C1orf21: variants seen among roughly 807,000 people sequenced by gnomAD.
The protein encoded by C1orf21 is uncharacterized protein C1orf21.
C1orf21 carries 3 observed loss-of-function variants against 18.7 expected under a neutral mutation model. The ratio of observed to expected loss-of-function variants is 0.16; its 90% CI spans 0.07 to 0.42. The LOEUF (loss-of-function observed/expected upper bound fraction) is 0.42. C1orf21 is among the 10% of genes least tolerant of loss of function. C1orf21 has a pLI of 0.99. For missense variants in C1orf21, 104 were observed against 143.6 expected, an observed-to-expected ratio of 0.72 and a Z score of 1.41; for synonymous variants, 41 against 46.4, an observed-to-expected ratio of 0.88 and a Z score of 0.47.
At chr1:184,544,171 G>A (rs549772254) in intron 3 of C1orf21, among the ~76,000 whole-genome samples, 43 of 152,284 alleles carry the variant, frequency 2.8e-4, no homozygotes, top group African/African-American at 8.7e-4. Context: ...ATACATTTCC[G>A]AGAAAGTAAT....
chr1:184,473,048 T>C (rs1229515336), intron 1 of C1orf21, among the ~76,000 whole-genome samples: 2 of 152,202 alleles, frequency 1.3e-5, no homozygotes, highest in African/African-American at 4.8e-5. Context: ...CACTTCTAAT[T>C]ATATAAGGCA....
At chr1:184,571,583 T>A (rs915712455) in intron 3 of C1orf21, among the ~76,000 whole-genome samples, 5 of 152,216 alleles carry the variant, frequency 3.3e-5, no homozygotes, top group Non-Finnish European at 5.9e-5. Flanking sequence ...ACTTCATCCC[T>A]TTCCATGACT....
chr1:184,411,435 T>G (rs1656351267), intron 1 of C1orf21, among the ~76,000 whole-genome samples: 1 of 145,576 alleles, frequency 6.9e-6, no homozygotes, highest in African/African-American at 2.5e-5. Context: ...TTTTTTTTTT[T>G]TTTTGAGACG....
Position 184,553,964 on chromosome 1 carries a change from A to C in C1orf21, c.190-36775A>C, listed in dbSNP as rs934918119. 2.6e-5 allele frequency among the ~76,000 whole-genome samples: 4 copies of C among 152,348 alleles called. No individual in the cohort carries two copies. In the East Asian group the frequency reaches 7.7e-4, roughly 29 times the overall value. On this transcript the variant is annotated intron_variant, in intron 3 of 5. Transcript: ENST00000235307. ...AGACACTAGGCTTAAGGGAGTTAAGAATAAATCAAAACGTGAACCATTCCA... is the reference window on the plus strand; with the variant it reads ...AGACACTAGGCTTAAGGGAGTTAAGCATAAATCAAAACGTGAACCATTCCA...
intron 1 of C1orf21, among the ~76,000 whole-genome samples, chr1:184,434,527 A>T (rs1404705669): frequency 1.3e-5 from 2 of 152,184 alleles, no homozygotes; most frequent in Non-Finnish European, 2.9e-5. Context: ...AAGCTTATGC[A>T]TGTAAGTGGA....
At chr1:184,555,885 C>T (rs1171810486) in intron 3 of C1orf21, among the ~76,000 whole-genome samples, 1 of 152,188 alleles carries the variant, frequency 6.6e-6, no homozygotes, top group Admixed American at 6.5e-5. Context: ...CGCCCACTGG[C>T]CCTCCAGGCC....
intron 1 of C1orf21, among the ~76,000 whole-genome samples, chr1:184,445,718 C>A (rs1657019923): frequency 6.6e-6 from 1 of 152,012 alleles, no homozygotes; most frequent in Admixed American, 6.6e-5. Flanking sequence ...ATGCATGTGG[C>A]CCTTAGGAGG....
At chr1:184,586,471 G>A (rs2101997177) in intron 3 of C1orf21, among the ~76,000 whole-genome samples, 1 of 151,954 alleles carries the variant, frequency 6.6e-6, no homozygotes, top group African/African-American at 2.4e-5. Context: ...TTTTAGTAGA[G>A]ACGGGGTTTC....
intron 1 of C1orf21, among the ~76,000 whole-genome samples, chr1:184,455,262 C>G (rs1183004309): frequency 1.3e-5 from 2 of 152,150 alleles, no homozygotes; most frequent in Non-Finnish European, 2.9e-5. Context: ...CTGATTCTGC[C>G]ACAAATGTAA....
intron 5 of C1orf21, among the ~76,000 whole-genome samples, chr1:184,599,794 T>C (rs1659563171): frequency 6.6e-6 from 1 of 152,174 alleles, no homozygotes; most frequent in South Asian, 2.1e-4. Flanking sequence ...AAATCCAAAA[T>C]GCTCCAAAAT....
intron 3 of C1orf21, chr1:184,542,636 A>G (rs1448635512): frequency 6.6e-6 from 1 of 152,194 alleles, no homozygotes; most frequent in East Asian, 1.9e-4. Flanking sequence ...TCTCCTTCCT[A>G]CATGGAGAGG....
intron 3 of C1orf21, among the ~76,000 whole-genome samples, chr1:184,536,709 A>G (rs1658562613): frequency 6.6e-6 from 1 of 152,168 alleles, no homozygotes; most frequent in Non-Finnish European, 1.5e-5. Flanking sequence ...CTATTAACCT[A>G]TGAAAAAAAT....
At chr1:184,416,519 T>A (rs529493797) in intron 1 of C1orf21, among the ~76,000 whole-genome samples, 2 of 152,106 alleles carry the variant, frequency 1.3e-5, no homozygotes, top group East Asian at 3.9e-4. Context: ...TTGCTTAAAA[T>A]TAAAAAAAAG....
At chr1:184,602,854 C>A (rs1023436952) in intron 5 of C1orf21, among the ~76,000 whole-genome samples, 1 of 152,146 alleles carries the variant, frequency 6.6e-6, no homozygotes, top group African/African-American at 2.4e-5. Flanking sequence ...AGATGTAAGA[C>A]CCTAGCTGAT....
chr1:184,566,609 C>A, intron 3 of C1orf21: 2 of 376,974 alleles, frequency 5.3e-6, no homozygotes, highest in South Asian at 2.6e-5. Flanking sequence ...CCTGGTGTGC[C>A]ATAAAACCAC....
chr1:184,401,654 A>AGT (rs1405402528), intron 1 of C1orf21, among the ~76,000 whole-genome samples: 1 of 152,030 alleles, frequency 6.6e-6, no homozygotes, highest in Non-Finnish European at 1.5e-5. Flanking sequence ...CAGTATTATC[A>AGT]GTGTTTCTTG....
chr1:184,444,546 T>G (rs1219060292), intron 1 of C1orf21, among the ~76,000 whole-genome samples: 1 of 152,122 alleles, frequency 6.6e-6, no homozygotes, highest in African/African-American at 2.4e-5. Context: ...ATTAAACCTC[T>G]TTTTCTTCCC....
chr1:184,546,573 A>C (rs1050735213), intron 3 of C1orf21, among the ~76,000 whole-genome samples: 1 of 152,232 alleles, frequency 6.6e-6, no homozygotes, highest in African/African-American at 2.4e-5. Flanking sequence ...GATACCACTT[A>C]ATTATACATA....
chr1:184,421,297 G>A (rs531252665), intron 1 of C1orf21, among the ~76,000 whole-genome samples: 1 of 152,182 alleles, frequency 6.6e-6, no homozygotes, highest in South Asian at 2.1e-4. Context: ...TAGAAATGGG[G>A]GTCTCACTGT....
Sources: allele counts gnomAD v4.1 joint callset (sites outside exome capture counted in the v4.1 genomes callset), GRCh38; gene constraint gnomAD v4.1.1; transcripts MANE v1.5; gene names NCBI Gene and HGNC (gene_info 2026-07-23, HGNC 2026-07-21).